The following STK33 variants were observed in gnomAD, a reference collection of about 807,000 sequenced individuals.
STK33 encodes the protein serine/threonine-protein kinase 33.
A neutral mutation model predicts 58.0 loss-of-function variants in STK33; 52 were observed. That is an observed-to-expected ratio of 0.90 (90% CI 0.72 to 1.13). STK33 has a LOEUF of 1.13. Among genes scored for constraint, STK33 ranks in the 50% most tolerant of loss-of-function variants. The probability of loss-of-function intolerance (pLI) is 0.00; values close to 1 mark genes in which losing one functional copy is unlikely to be tolerated. For missense variants in STK33, 630 were observed against 604.2 expected (o/e 1.04, Z -0.45); for synonymous variants, 215 against 200.1 (o/e 1.07, Z -0.63).
intron 15 of STK33, among the ~76,000 whole-genome samples, chr11:8,397,083 A>C (rs1395092140): frequency 1.3e-5 from 2 of 152,170 alleles, no homozygotes; most frequent in Non-Finnish European, 2.9e-5. Context: ...GCAGACTTAA[A>C]TGTCCCTGTC....
At position 8,413,507 on chromosome 11, in the gene STK33, C is replaced by G; in HGVS notation, c.1332G>C (p.Glu444Asp). The change falls in exon 15 of 16, where the codon GAG becomes GAC. Residue 444 changes from glutamate to aspartate, a missense_variant. Coordinates refer to ENST00000687296, the MANE Select transcript of STK33 (RefSeq NM_001352389.2). ...TGATTCTTCCTACCTGTTTTTCCTC[C>G]TCTTCATCTGAAGTGTAATTGGCAT... ...VPDANYTSDE[E>D]EEKQSTAYEK... 1 of 1,613,866 alleles carries G rather than the reference C, an allele frequency of 6.2e-7. No homozygotes were observed. The highest frequency in any genetic ancestry group is 8.5e-7 in the Non-Finnish European group (1 of 1,179,858).
intron 6 of STK33, among the ~76,000 whole-genome samples, chr11:8,468,025 C>A (rs1297321733): frequency 6.6e-6 from 1 of 151,982 alleles, no homozygotes; most frequent in Non-Finnish European, 1.5e-5. Flanking sequence ...CTGTATTAGT[C>A]CATTTTCACA....
chr11:8,525,675 T>C (rs1172879131), intron 1 of STK33, among the ~76,000 whole-genome samples: 1 of 152,120 alleles, frequency 6.6e-6, no homozygotes, highest in Non-Finnish European at 1.5e-5. Flanking sequence ...TTTATGACCC[T>C]GGGGTACAAA....
chr11:8,574,671 G>C (rs571557437), intron 1 of STK33, among the ~76,000 whole-genome samples: 7 of 152,170 alleles, frequency 4.6e-5, no homozygotes, highest in African/African-American at 1.7e-4. Flanking sequence ...TATAACTACA[G>C]ACCAATATCC....
chr11:8,553,586 T>C (rs1956521143), intron 1 of STK33, among the ~76,000 whole-genome samples: 1 of 152,080 alleles, frequency 6.6e-6, no homozygotes, highest in Admixed American at 6.6e-5. Flanking sequence ...AACAGCATGG[T>C]ACTAGCATAA....
the STK33 span, among the ~76,000 whole-genome samples, chr11:8,374,158 T>G: frequency 1.3e-5 from 2 of 152,306 alleles, no homozygotes; most frequent in African/African-American, 4.8e-5. Context: ...CAGGGCTGAC[T>G]TTCTGATGCT....
At chr11:8,424,633 C>T (rs964464166) in intron 14 of STK33, among the ~76,000 whole-genome samples, 10 of 150,012 alleles carry the variant, frequency 6.7e-5, no homozygotes, top group African/African-American at 2.2e-4. Context: ...TATTTCTCCA[C>T]ATCCTCTCCA....
the STK33 span, among the ~76,000 whole-genome samples, chr11:8,337,515 C>G: frequency 1.3e-5 from 2 of 152,074 alleles, no homozygotes; most frequent in Non-Finnish European, 2.9e-5. Context: ...GCCTGAGAGC[C>G]AGCACTTTCT....
intron 13 of STK33, 50 bp downstream of exon 13, chr11:8,435,977 C>G: frequency 8.8e-7 from 1 of 1,140,942 alleles, no homozygotes; most frequent in East Asian, 2.7e-5. Flanking sequence ...GGCCAACTTT[C>G]TTATGTTACT....
At chr11:8,406,371 A>G (rs1013670143) in intron 15 of STK33, among the ~76,000 whole-genome samples, 1 of 152,144 alleles carries the variant, frequency 6.6e-6, no homozygotes. Context: ...TCTCCAAATA[A>G]ATTTTAGAAT....
Position 8,576,802 on chromosome 11 carries a change from T to G in STK33, c.-466+17281A>C, listed in dbSNP as rs534689531. Among the ~76,000 whole-genome samples the G allele has an allele frequency of 1.8e-4, 28 of 152,282 alleles. No individual in the cohort carries two copies. In the South Asian group the frequency reaches 5.8e-3, roughly 32 times the overall value. ...GAGACAGGCTTCAAAACCAGAAATC[T>G]GCTAACATGCCAAACTCCTAACAAC... On this transcript the variant is annotated intron_variant, in intron 1 of 15. Transcript: ENST00000687296.
intron 1 of STK33, among the ~76,000 whole-genome samples, chr11:8,523,725 G>A (rs997243725): frequency 7.7e-5 from 11 of 143,292 alleles, no homozygotes; most frequent in East Asian, 6.8e-4. Context: ...CCCAGCCACC[G>A]CCCCGTCTGG....
chr11:8,558,388 T>C (rs568909414), intron 1 of STK33, among the ~76,000 whole-genome samples: 37 of 150,858 alleles, frequency 2.5e-4, no homozygotes, highest in African/African-American at 8.8e-4. Flanking sequence ...CTCCAAATCT[T>C]TGTCAGTGAT....
At chr11:8,455,529 C>T (rs1219921726) in intron 9 of STK33, among the ~76,000 whole-genome samples, 1 of 152,110 alleles carries the variant, frequency 6.6e-6, no homozygotes, top group Non-Finnish European at 1.5e-5. Flanking sequence ...TTATACACGG[C>T]CAGGCGCAGT....
chr11:8,452,696 G>T, intron 11 of STK33, 126 bp downstream of exon 11: 1 of 731,340 alleles, frequency 1.4e-6, no homozygotes, highest in South Asian at 1.7e-5. Context: ...GCTGAGGTGG[G>T]GGGATGGCTT....
the STK33 span, among the ~76,000 whole-genome samples, chr11:8,347,957 C>T: frequency 2.6e-5 from 4 of 152,352 alleles, no homozygotes; most frequent in Non-Finnish European, 5.9e-5. Flanking sequence ...TGCATCCTGC[C>T]TAACACCTGT....
chr11:8,515,823 G>A (rs760850629), intron 1 of STK33, among the ~76,000 whole-genome samples: 4 of 151,962 alleles, frequency 2.6e-5, no homozygotes, highest in Non-Finnish European at 4.4e-5. Flanking sequence ...AACAAACCAG[G>A]AATAGAAGAA....
chr11:8,382,636 C>A, the STK33 span, among the ~76,000 whole-genome samples: 3 of 152,212 alleles, frequency 2.0e-5, no homozygotes, highest in Non-Finnish European at 4.4e-5. Flanking sequence ...CACCTGCGCT[C>A]ACCCTGTTTG....
At chr11:8,546,686 A>G (rs1292142768) in intron 1 of STK33, among the ~76,000 whole-genome samples, 1 of 150,494 alleles carries the variant, frequency 6.6e-6, no homozygotes, top group Non-Finnish European at 1.5e-5. Flanking sequence ...GAAATCATGC[A>G]ATATTTGTCT....
Sources: allele counts gnomAD v4.1 joint callset (sites outside exome capture counted in the v4.1 genomes callset), GRCh38; gene constraint gnomAD v4.1.1; transcripts MANE v1.5; gene names NCBI Gene and HGNC (gene_info 2026-07-23, HGNC 2026-07-21).